Variants in SH2B3 observed in about 807,000 individuals in gnomAD.
The protein encoded by SH2B3 is SH2B adaptor protein 3.
In SH2B3, 43 loss-of-function variants were observed where a neutral mutation model predicts 51.9. The observed-to-expected ratio is 0.83, with a 90% CI of 0.65 to 1.07. The LOEUF is 1.07. Among genes scored for constraint, SH2B3 ranks in the 50% least tolerant of loss-of-function variants. The probability of loss-of-function intolerance (pLI) is 0.00; values close to 1 mark genes in which losing one functional copy is unlikely to be tolerated. For synonymous variants in SH2B3, 396 were observed against 376.0 expected, an observed-to-expected ratio of 1.05 and a Z score of -0.62; for missense variants, 952 against 834.3, an observed-to-expected ratio of 1.14 and a Z score of -1.74.
At chr12:111,408,663 G>A (rs1464712455) in intron 1 of SH2B3, among the ~76,000 whole-genome samples, 2 of 152,122 alleles carry the variant, frequency 1.3e-5, no homozygotes, top group Non-Finnish European at 1.5e-5. Flanking sequence ...GGTGGGGAGG[G>A]TCAGTGAAGG....
In SH2B3 at chr12:111,435,103, C is replaced by A. The variant is rs1872751317; in HGVS notation, c.733-11650C>A. 2.5e-6 allele frequency: 3 copies of A among 1,184,862 alleles called. No individual in the cohort carries two copies. In the Admixed American group the frequency reaches 7.4e-5, roughly 29 times the overall value. 73.4% of individuals were successfully genotyped at this position (1,184,862 alleles called of 1,614,324 possible). ...AGTCCCCTCTCCTCTGGTGCACTCT[C>A]CCCACCCGAGACGGGCGACAGAGGT... On this transcript the variant is annotated intron_variant, in intron 2 of 7. Coordinates refer to ENST00000341259, the MANE Select transcript of SH2B3 (RefSeq NM_005475.3). This position sits in a 1 kb window ranked among gnomAD's most constrained non-coding sequence, Gnocchi z 4.8.
At chr12:111,421,217 G>A (rs758858633) in intron 2 of SH2B3, among the ~76,000 whole-genome samples, 2 of 151,652 alleles carry the variant, frequency 1.3e-5, no homozygotes, top group Admixed American at 1.3e-4. Context: ...ATCATGGCTC[G>A]CTGTAGCCTC....
intron 2 of SH2B3, among the ~76,000 whole-genome samples, chr12:111,436,879 A>G (rs1872923067): frequency 6.6e-6 from 1 of 151,952 alleles, no homozygotes; most frequent in South Asian, 2.1e-4. Context: ...CTGTCCCAGC[A>G]TCTCTGGCTA....
chr12:111,451,547 C>T lies in SH2B3; in HGVS notation c.*3245C>T, dbSNP rs1874592581. On this transcript the variant is annotated 3_prime_UTR_variant, in exon 8 of 8. Coordinates refer to ENST00000341259, the MANE Select transcript of SH2B3 (RefSeq NM_005475.3). ...ATTGTTTTATGTACTGTACAAGTAA[C>T]TTATTCTTGAATAATGCAAATTTTG... 6.6e-6 allele frequency: 1 copy of T among 152,648 alleles called. No homozygotes were observed. The highest frequency in any genetic ancestry group is 1.5e-5 in the Non-Finnish European group (1 of 68,040). 9.5% of individuals were successfully genotyped at this position (152,648 alleles called of 1,614,324 possible).
intron 2 of SH2B3, among the ~76,000 whole-genome samples, chr12:111,433,799 A>G (rs1324795656): frequency 6.6e-6 from 1 of 152,000 alleles, no homozygotes; most frequent in Admixed American, 6.5e-5. Flanking sequence ...TTTTTTGAAG[A>G]GCTGGGGTTT....
In SH2B3 at chr12:111,406,849, T is replaced by C. The variant is rs763612590; in HGVS notation, c.-28+572T>C. On this transcript the variant is annotated intron_variant, in intron 1 of 7. Transcript: ENST00000341259. This position sits in a 1 kb window ranked among gnomAD's most constrained non-coding sequence, Gnocchi z 5.7. ...GGCCAGGCCCCCGCATGCTGCTGAA[T>C]TGGGCGGTTCACCAGGGCTAGGCGT... Among the ~76,000 whole-genome samples the C allele has an allele frequency of 6.6e-6, 1 of 152,174 alleles. No individual in the cohort carries two copies. Among genetic ancestry groups the C allele is most frequent in the Non-Finnish European group, 1.5e-5 (1 of 68,024 alleles).
At chr12:111,437,064 G>A (rs571327572) in intron 2 of SH2B3, among the ~76,000 whole-genome samples, 1 of 152,264 alleles carries the variant, frequency 6.6e-6, no homozygotes, top group South Asian at 2.1e-4. Flanking sequence ...CACTCACCAT[G>A]TCTGTCTCTG....
chr12:111,426,450 T>G (rs112420645), intron 2 of SH2B3, among the ~76,000 whole-genome samples: 3 of 145,632 alleles, frequency 2.1e-5, no homozygotes, highest in African/African-American at 7.5e-5. Flanking sequence ...GGCCTCAAAC[T>G]CCTGGCCCTA....
In SH2B3 at chr12:111,435,451, C is replaced by T. The variant is rs1044315055; in HGVS notation, c.733-11302C>T. 2.0e-5 allele frequency among the ~76,000 whole-genome samples: 3 copies of T among 152,250 alleles called. No homozygotes were observed. The highest frequency in any genetic ancestry group is 7.2e-5 in the African/African-American group (3 of 41,466). On this transcript the variant is annotated intron_variant, in intron 2 of 7. Coordinates refer to ENST00000341259, the MANE Select transcript of SH2B3 (RefSeq NM_005475.3). The surrounding 1 kb of genome is among the most constrained non-coding windows in gnomAD (Gnocchi z 4.8). Reference sequence around the variant, plus strand: ...TCTCGGCTCACTGCAACCTCCGCCTCCCAGGTTCAGGTGATTCTCGTGCCT... The same window carrying T: ...TCTCGGCTCACTGCAACCTCCGCCTTCCAGGTTCAGGTGATTCTCGTGCCT...
At chr12:111,425,444 T>C (rs1163400301) in intron 2 of SH2B3, among the ~76,000 whole-genome samples, 1 of 151,996 alleles carries the variant, frequency 6.6e-6, no homozygotes, top group Non-Finnish European at 1.5e-5. Context: ...CTGATAGATC[T>C]GGGTGAAGGA....
In SH2B3 at chr12:111,448,602, T is replaced by TG. The variant is rs1555227491; in HGVS notation, c.*304dup. The TG allele has an allele frequency of 8.9e-6, 3 of 337,588 alleles. No individual in the cohort carries two copies. Among genetic ancestry groups the TG allele is most frequent in the Non-Finnish European group, 1.6e-5 (3 of 183,626 alleles). The allele number at this position is 337,588 out of a possible 1,614,324, so 20.9% of individuals were successfully genotyped here. A position where few individuals can be genotyped will look rare whatever the true frequency, so the allele number is the denominator to read the frequency against. On this transcript the variant is annotated 3_prime_UTR_variant, in exon 8 of 8. Coordinates refer to ENST00000341259, the MANE Select transcript of SH2B3 (RefSeq NM_005475.3). ...CCCCGTTACTCTTAGAGAAAGGAGTTGGGGTGAGGGCCAGAGCTGGCAGTG... is the reference window on the plus strand; with the variant it reads ...CCCCGTTACTCTTAGAGAAAGGAGTTGGGGGTGAGGGCCAGAGCTGGCAGTG...
chr12:111,447,410 C>A lies in SH2B3; in HGVS notation c.1102C>A (p.Pro368Thr). The change falls in exon 6 of 8, where the codon CCC becomes ACC. Residue 368 changes from proline to threonine, a missense_variant. By Grantham distance (38) the Pro-to-Thr change is conservative (BLOSUM62 -1). Transcript: ENST00000341259. ...GTCCTGCTACCCCTGGTTCCACGGC[C>A]CCATCTCCAGAGTGAAAGCAGCTCA... ...FLSCYPWFHG[P>T]ISRVKAAQLV... The A allele has an allele frequency of 1.2e-6, 2 of 1,614,054 alleles. No homozygotes were observed. The highest frequency in any genetic ancestry group is 1.7e-6 in the Non-Finnish European group (2 of 1,179,954).
rs746944082 is a variant in SH2B3 at position 111,429,463 on chromosome 12, C to G, written c.732+10586C>G. ...TCTCCTGCCTCAGCCTCCCGAGTAG[C>G]TGGGATTACAGGCGCCCACCACCAC... On this transcript the variant is annotated intron_variant, in intron 2 of 7. Coordinates refer to ENST00000341259, the MANE Select transcript of SH2B3 (RefSeq NM_005475.3). This position sits in a 1 kb window ranked among gnomAD's most constrained non-coding sequence, Gnocchi z 4.4. 2.0e-5 allele frequency among the ~76,000 whole-genome samples: 3 copies of G among 152,118 alleles called. No individual in the cohort carries two copies. The highest frequency in any genetic ancestry group is 4.8e-5 in the African/African-American group (2 of 41,416).
At position 111,425,381 on chromosome 12, in the gene SH2B3, G is replaced by T. The variant is rs12313349; in HGVS notation, c.732+6504G>T. ...GTGGGCCCTTGGGAGGTGGGAGGGG[G>T]CTGCCTTCCCTGGGGTTGGTCAGCA... On this transcript the variant is annotated intron_variant, in intron 2 of 7. Coordinates refer to ENST00000341259, the MANE Select transcript of SH2B3 (RefSeq NM_005475.3). Among the ~76,000 whole-genome samples the T allele has an allele frequency of 6.1e-3, 923 of 152,248 alleles. 11 individuals carry two copies. Among genetic ancestry groups the T allele is most frequent in the African/African-American group, 0.021 (871 of 41,546 alleles).
rs1872761798 is a variant in SH2B3 at position 111,435,177 on chromosome 12, A to G, written c.733-11576A>G. The G allele has an allele frequency of 1.5e-6, 1 of 677,092 alleles. No individual in the cohort carries two copies. The highest frequency in any genetic ancestry group is 1.9e-5 in the South Asian group (1 of 51,340). 41.9% of individuals were successfully genotyped at this position (677,092 alleles called of 1,614,324 possible). A position where few individuals can be genotyped will look rare whatever the true frequency, so the allele number is the denominator to read the frequency against. On this transcript the variant is annotated intron_variant, in intron 2 of 7. Coordinates refer to ENST00000341259, the MANE Select transcript of SH2B3 (RefSeq NM_005475.3). The surrounding 1 kb of genome is among the most constrained non-coding windows in gnomAD (Gnocchi z 4.8). ...CTTTTTCCACCCACACCCGGTGCAG[A>G]GCAGATGCTTGGCCGGGGCTTCCCC...
In SH2B3 at chr12:111,451,131, AT is replaced by A. The variant is rs1483232184; in HGVS notation, c.*2833del. Reference sequence around the variant, plus strand: ...AATTAAGTCAACTAACCTGCCTTGAATTTTAGACCAGCAATCCATATGGCTT... The same window carrying A: ...AATTAAGTCAACTAACCTGCCTTGAATTTAGACCAGCAATCCATATGGCTT... On this transcript the variant is annotated 3_prime_UTR_variant, in exon 8 of 8. Transcript: ENST00000341259. The A allele has an allele frequency of 6.5e-6, 1 of 152,704 alleles. No homozygotes were observed. The highest frequency in any genetic ancestry group is 1.5e-5 in the Non-Finnish European group (1 of 68,050). The allele number at this position is 152,704 out of a possible 1,614,324, so 9.5% of individuals were successfully genotyped here.
intron 2 of SH2B3, among the ~76,000 whole-genome samples, chr12:111,436,629 T>C (rs1458415819): frequency 6.6e-6 from 1 of 152,176 alleles, no homozygotes; most frequent in East Asian, 1.9e-4. Context: ...TGGTGGGGGC[T>C]GTCTTTCCCT....
intron 2 of SH2B3, among the ~76,000 whole-genome samples, chr12:111,427,325 G>C (rs1872087103): frequency 6.7e-6 from 1 of 149,782 alleles, no homozygotes; most frequent in Admixed American, 6.7e-5. Flanking sequence ...GGTGGAGGTT[G>C]CAGTGAGCTG....
chr12:111,447,685 C>T lies in SH2B3; in HGVS notation c.1266C>T (p.Gly422=). Residue 422 remains glycine, a synonymous_variant, in exon 7 of 8, where the codon GGC becomes GGT. Transcript: ENST00000341259. The part of the protein sequence containing the change: ...KHLRLSLTER[G]QCRVQHLHFP... ...TGCGCCTGTCGCTGACAGAGCGGGG[C>T]CAGTGCCGTGTGCAGCACCTCCACT... 2 of 1,613,438 alleles carry T rather than the reference C, an allele frequency of 1.2e-6. No individual in the cohort carries two copies. The highest frequency in any genetic ancestry group is 1.7e-6 in the Non-Finnish European group (2 of 1,179,738).
Sources: gnomAD v4.1 joint callset for allele counts (sites outside exome capture counted in the v4.1 genomes callset) on GRCh38, gnomAD v4.1.1 for gene constraint, Gnocchi (gnomAD v3.1) non-coding constraint, MANE v1.5 for transcripts, NCBI Gene and HGNC (gene_info 2026-07-23, HGNC 2026-07-21) for gene names.